KSR2: variants seen among roughly 807,000 people sequenced by gnomAD.
The protein encoded by KSR2 is kinase suppressor of ras 2.
A neutral mutation model predicts 107.8 loss-of-function variants in KSR2; 25 were observed. The ratio of observed to expected loss-of-function variants is 0.23; its 90% CI spans 0.17 to 0.32. The LOEUF (loss-of-function observed/expected upper bound fraction) is 0.32. KSR2 is among the 10% of genes least tolerant of loss of function. KSR2 has a pLI of 1.00. For synonymous variants in KSR2, 480 were observed against 507.0 expected, an observed-to-expected ratio of 0.95 and a Z score of 0.71; for missense variants, 887 against 1,268.9, an observed-to-expected ratio of 0.70 and a Z score of 4.57.
intron 7 of KSR2, among the ~76,000 whole-genome samples, chr12:117,563,887 C>T (rs898970351): frequency 1.3e-5 from 2 of 152,206 alleles, no homozygotes; most frequent in Non-Finnish European, 2.9e-5. Context: ...CCTTAACTCT[C>T]TGTCTCACTT....
intron 1 of KSR2, among the ~76,000 whole-genome samples, chr12:117,874,860 C>G (rs1385328381): frequency 6.6e-6 from 1 of 151,748 alleles, no homozygotes; most frequent in Non-Finnish European, 1.5e-5. Context: ...AATAAAGAAA[C>G]ACAGGACTTT....
chr12:117,608,030 T>G (rs986632889), intron 5 of KSR2, among the ~76,000 whole-genome samples: 1 of 152,054 alleles, frequency 6.6e-6, no homozygotes, highest in Non-Finnish European at 1.5e-5. Flanking sequence ...AACCACCCCT[T>G]GAGGGGAGGA....
chr12:117,516,408 C>T (rs1006190008), intron 14 of KSR2, among the ~76,000 whole-genome samples: 2 of 152,140 alleles, frequency 1.3e-5, no homozygotes, highest in East Asian at 3.9e-4. Flanking sequence ...TCACTGACTC[C>T]TATCATTTGG....
At chr12:117,793,403 GCA>G (rs1394840917) in intron 3 of KSR2, among the ~76,000 whole-genome samples, 4 of 125,644 alleles carry the variant, frequency 3.2e-5, no homozygotes, top group Non-Finnish European at 4.9e-5. Context: ...ATACCAACAT[GCA>G]CACATACACA....
intron 14 of KSR2, among the ~76,000 whole-genome samples, chr12:117,508,325 C>T (rs1038475923): frequency 2.0e-5 from 3 of 152,298 alleles, no homozygotes; most frequent in Admixed American, 6.5e-5. Flanking sequence ...TTGTGACACA[C>T]GGCATGCTTC....
rs566496399 is a variant in KSR2, at chr12:117,465,458, G to T, written c.*1741C>A. The T allele has an allele frequency of 1.3e-5, 2 of 152,296 alleles. No individual in the cohort carries two copies. Among genetic ancestry groups the T allele is most frequent in the African/African-American group, 4.8e-5 (2 of 41,566 alleles). 9.4% of individuals were successfully genotyped at this position (152,296 alleles called of 1,614,324 possible). Reference sequence around the variant, plus strand: ...GGAGGGCCCTTTGGGAAACACAGGGGTTTCCTGTAGCCAGGCTCCTGGGAA... The same window carrying T: ...GGAGGGCCCTTTGGGAAACACAGGGTTTTCCTGTAGCCAGGCTCCTGGGAA... On this transcript the variant is annotated 3_prime_UTR_variant, in exon 20 of 20. Coordinates refer to ENST00000339824, the MANE Select transcript of KSR2 (RefSeq NM_173598.6).
intron 4 of KSR2, among the ~76,000 whole-genome samples, chr12:117,729,141 T>TC (rs1491120018): frequency 7.3e-6 from 1 of 136,910 alleles, no homozygotes; most frequent in African/African-American, 2.7e-5. Context: ...AGCAGGAAAC[T>TC]TTTTTTTTTT....
chr12:117,455,004 G>T lies in KSR2; in HGVS notation c.*12195C>A, dbSNP rs945034682. The T allele has an allele frequency of 6.6e-6, 1 of 150,434 alleles. No homozygotes were observed. Among genetic ancestry groups the T allele is most frequent in the Non-Finnish European group, 1.5e-5 (1 of 67,888 alleles). The allele number at this position is 150,434 out of a possible 1,614,324, so 9.3% of individuals were successfully genotyped here. A position where few individuals can be genotyped will look rare whatever the true frequency, so the allele number is the denominator to read the frequency against. ...ATCCTTCACTGTGTGGAGGCAGGCA[G>T]AGACAGAGACAGACACAGAGACAGA... is the stretch of plus-strand genomic sequence containing the variant. On this transcript the variant is annotated 3_prime_UTR_variant, in exon 20 of 20. Transcript: ENST00000339824.
chr12:117,729,901 G>T (rs1887589530), intron 4 of KSR2, among the ~76,000 whole-genome samples: 1 of 152,178 alleles, frequency 6.6e-6, no homozygotes, highest in Non-Finnish European at 1.5e-5. Context: ...TAATATAGAG[G>T]CAGCGTAGCA....
chr12:117,483,078 T>C (rs1199561310), intron 16 of KSR2, among the ~76,000 whole-genome samples: 1 of 152,242 alleles, frequency 6.6e-6, no homozygotes, highest in Non-Finnish European at 1.5e-5. Context: ...CCCGGGCTTC[T>C]TGGGTTCCAA....
chr12:117,874,819 GA>G (rs200346782), intron 1 of KSR2, among the ~76,000 whole-genome samples: 1,531 of 142,454 alleles, frequency 0.011, 20 homozygotes, highest in East Asian at 0.043. Context: ...AGAAGAAGAA[GA>G]AAAAAAAAAA....
intron 5 of KSR2, among the ~76,000 whole-genome samples, chr12:117,612,213 G>C (rs1881642998): frequency 6.6e-6 from 1 of 152,090 alleles, no homozygotes; most frequent in South Asian, 2.1e-4. Context: ...AGACCATCCT[G>C]GCCAACATGG....
chr12:117,586,154 T>C (rs1198003240), intron 5 of KSR2, among the ~76,000 whole-genome samples: 1 of 152,102 alleles, frequency 6.6e-6, no homozygotes, highest in Non-Finnish European at 1.5e-5. Flanking sequence ...AATCAGGCTC[T>C]GACCTGGTGA....
intron 3 of KSR2, among the ~76,000 whole-genome samples, chr12:117,810,135 C>T (rs1298470321): frequency 6.6e-6 from 1 of 152,088 alleles, no homozygotes; most frequent in African/African-American, 2.4e-5. Context: ...ACAAACTGAT[C>T]TCGGTTTGTT....
rs183034643 is a variant in KSR2 at position 117,741,455 on chromosome 12, G to A, written c.986+19556C>T. Among the ~76,000 whole-genome samples, 382 of 152,294 alleles carry A rather than the reference G, an allele frequency of 2.5e-3. 12 individuals are homozygous for A. In the East Asian group the frequency reaches 0.059, roughly 24 times the overall value. On this transcript the variant is annotated intron_variant, in intron 4 of 19. Coordinates refer to ENST00000339824, the MANE Select transcript of KSR2 (RefSeq NM_173598.6). ...CAGGAAGATCACTTGAGCCCAGGAT[G>A]TCGAGGCTGCAGTGAGCTAGGATTG...
chr12:117,850,205 G>A (rs1311354981), intron 3 of KSR2, among the ~76,000 whole-genome samples: 2 of 152,180 alleles, frequency 1.3e-5, no homozygotes, highest in African/African-American at 4.8e-5. Context: ...GCTTTTCAGA[G>A]GTAGGGAGGG....
chr12:117,841,515 T>G (rs1295692875), intron 3 of KSR2, among the ~76,000 whole-genome samples: 1 of 152,200 alleles, frequency 6.6e-6, no homozygotes. Context: ...CTGAAGGTGC[T>G]CTGCAAATGT....
At chr12:117,760,146 A>G (rs539401244) in intron 4 of KSR2, among the ~76,000 whole-genome samples, 1 of 152,348 alleles carries the variant, frequency 6.6e-6, no homozygotes, top group South Asian at 2.1e-4. Flanking sequence ...CCTGAATAAT[A>G]TTGCATTGTA....
chr12:117,701,535 GA>G (rs898393265), intron 4 of KSR2, among the ~76,000 whole-genome samples: 2 of 151,596 alleles, frequency 1.3e-5, no homozygotes, highest in South Asian at 2.1e-4. Context: ...CTCCAAAAAA[GA>G]AAAAAAAGGC....
Sources: allele counts gnomAD v4.1 joint callset (sites outside exome capture counted in the v4.1 genomes callset), GRCh38; gene constraint gnomAD v4.1.1; transcripts MANE v1.5; gene names NCBI Gene and HGNC (gene_info 2026-07-23, HGNC 2026-07-21).